The following GRIK4 variants were observed in gnomAD, a reference collection of about 807,000 sequenced individuals.
GRIK4 encodes the protein glutamate receptor ionotropic, kainate 4.
In GRIK4, 40 loss-of-function variants were observed where a neutral mutation model predicts 104.9. That is an observed-to-expected ratio of 0.38 (90% confidence interval 0.30 to 0.50). GRIK4 has a LOEUF of 0.50. Among genes scored for constraint, GRIK4 ranks in the 20% least tolerant of loss-of-function variants. GRIK4 has a pLI of 0.93. For missense variants in GRIK4, 1,047 were observed against 1,308.1 expected (o/e 0.80, Z 3.08); for synonymous variants, 485 against 524.9 (o/e 0.92, Z 1.04).
At chr11:120,921,818 G>T (rs1344769586) in intron 13 of GRIK4, among the ~76,000 whole-genome samples, 1 of 152,196 alleles carries the variant, frequency 6.6e-6, no homozygotes, top group African/African-American at 2.4e-5. Context: ...TCTCCAAGTT[G>T]CAGCGACTCC....
intron 1 of GRIK4, among the ~76,000 whole-genome samples, chr11:120,571,841 C>T (rs183950599): frequency 1.3e-5 from 2 of 152,258 alleles, no homozygotes; most frequent in African/African-American, 2.4e-5. Context: ...CCTGGGTGAA[C>T]GACCTACTTG....
At chr11:120,978,124 C>T (rs374121293) in intron 19 of GRIK4, among the ~76,000 whole-genome samples, 1 of 152,212 alleles carries the variant, frequency 6.6e-6, no homozygotes, top group Admixed American at 6.5e-5. Context: ...ATTCTTTCCA[C>T]AAACATTTAC....
chr11:120,741,275 CTTTT>C (rs762543001), intron 3 of GRIK4, among the ~76,000 whole-genome samples: 5 of 106,882 alleles, frequency 4.7e-5, no homozygotes, highest in Admixed American at 2.1e-4. Context: ...CGTGTGCTTT[CTTTT>C]TTTTTTTTTT....
intron 3 of GRIK4, among the ~76,000 whole-genome samples, chr11:120,716,894 T>A (rs1453761591): frequency 6.6e-6 from 1 of 152,148 alleles, no homozygotes; most frequent in Non-Finnish European, 1.5e-5. Flanking sequence ...TGAACTCCAT[T>A]TATCAGCTCA....
chr11:120,876,700 G>A (rs1954829709), intron 11 of GRIK4, among the ~76,000 whole-genome samples: 2 of 152,110 alleles, frequency 1.3e-5, no homozygotes, highest in Admixed American at 1.3e-4. Flanking sequence ...TGACAGAGCT[G>A]GTTTTGGACC....
At chr11:120,630,576 C>T (rs76987481) in intron 1 of GRIK4, among the ~76,000 whole-genome samples, 1,749 of 152,234 alleles carry the variant, frequency 0.011, 35 homozygotes, top group African/African-American at 0.041. Flanking sequence ...GGTGTTGGGC[C>T]GAGCTCTGGG....
In GRIK4 at chr11:120,986,318, G is replaced by C. The variant is rs893214063; in HGVS notation, c.*58G>C. ...CGGGGCGGGAGGGGAGGGGCGGGGC[G>C]GGCGCTGCTGTCAGCCGCCAGCCGG... On this transcript the variant is annotated 3_prime_UTR_variant, in exon 21 of 21. Transcript: ENST00000527524. 6 of 1,417,328 alleles carry C rather than the reference G, an allele frequency of 4.2e-6. No individual in the cohort carries two copies. The highest frequency in any genetic ancestry group is 5.5e-6 in the Non-Finnish European group (6 of 1,091,070). The allele number at this position is 1,417,328 out of a possible 1,614,324, so 87.8% of individuals were successfully genotyped here. A position where few individuals can be genotyped will look rare whatever the true frequency, so the allele number is the denominator to read the frequency against.
intron 6 of GRIK4, among the ~76,000 whole-genome samples, chr11:120,823,862 G>T (rs12291645): frequency 0.052 from 7,868 of 152,300 alleles, 687 homozygotes; most frequent in African/African-American, 0.18. Flanking sequence ...ACCTGCTGAG[G>T]CTGCTGAGGG....
intron 3 of GRIK4, among the ~76,000 whole-genome samples, chr11:120,740,741 A>G (rs934173371): frequency 4.6e-5 from 7 of 152,178 alleles, no homozygotes; most frequent in Non-Finnish European, 1.0e-4. Flanking sequence ...TCTCTTGCCC[A>G]TCAGTCAATC....
At chr11:120,749,572 C>T (rs1951508396) in intron 3 of GRIK4, among the ~76,000 whole-genome samples, 1 of 152,204 alleles carries the variant, frequency 6.6e-6, no homozygotes, top group Non-Finnish European at 1.5e-5. Flanking sequence ...AGGAACTCCC[C>T]AGAATGAATC....
intron 3 of GRIK4, among the ~76,000 whole-genome samples, chr11:120,779,882 T>C (rs1046811302): frequency 6.6e-6 from 1 of 152,240 alleles, no homozygotes; most frequent in African/African-American, 2.4e-5. Flanking sequence ...GACAGAGCGT[T>C]GGTAGAGCAG....
intron 3 of GRIK4, among the ~76,000 whole-genome samples, chr11:120,741,275 CTTTTTTTTTTT>C (rs762543001): frequency 7.5e-5 from 8 of 106,884 alleles, no homozygotes; most frequent in South Asian, 3.6e-4. Context: ...CGTGTGCTTT[CTTTTTTTTTTT>C]TTTTTTTTTT....
At chr11:120,774,790 T>C (rs899602437) in intron 3 of GRIK4, among the ~76,000 whole-genome samples, 1 of 152,162 alleles carries the variant, frequency 6.6e-6, no homozygotes, top group Non-Finnish European at 1.5e-5. Flanking sequence ...GAGTGGGGAC[T>C]CTGAGCTGGT....
At chr11:120,960,411 G>A (rs2134727058) in intron 16 of GRIK4, among the ~76,000 whole-genome samples, 1 of 152,330 alleles carries the variant, frequency 6.6e-6, no homozygotes, top group South Asian at 2.1e-4. Context: ...CTGTAAAATT[G>A]GGATAAGAAT....
At chr11:120,542,022 A>G (rs532632101) in intron 1 of GRIK4, among the ~76,000 whole-genome samples, 23 of 152,358 alleles carry the variant, frequency 1.5e-4, no homozygotes, top group African/African-American at 5.5e-4. Context: ...AGTCTTAAAC[A>G]AAGTTGGAGA....
chr11:120,515,093 C>G, intron 1 of GRIK4: 2 of 454,828 alleles, frequency 4.4e-6, no homozygotes, highest in South Asian at 3.1e-5. Context: ...AACTTTATGT[C>G]ACAACGTGGT....
chr11:120,739,112 G>A (rs1185566475), intron 3 of GRIK4, among the ~76,000 whole-genome samples: 2 of 152,174 alleles, frequency 1.3e-5, no homozygotes, highest in Non-Finnish European at 2.9e-5. Context: ...TCCCTTCTTA[G>A]TTGAGTTTCC....
chr11:120,652,198 T>A (rs1416306262), intron 1 of GRIK4, among the ~76,000 whole-genome samples: 2 of 152,178 alleles, frequency 1.3e-5, no homozygotes, highest in Non-Finnish European at 2.9e-5. Flanking sequence ...TCAATAAAGA[T>A]TATATTATCA....
intron 3 of GRIK4, among the ~76,000 whole-genome samples, chr11:120,783,100 G>A (rs913363131): frequency 6.6e-6 from 1 of 152,196 alleles, no homozygotes; most frequent in Non-Finnish European, 1.5e-5. Flanking sequence ...TAGCGATGCT[G>A]CTGAACTCCC....
Sources: allele counts gnomAD v4.1 joint callset (sites outside exome capture counted in the v4.1 genomes callset), GRCh38; gene constraint gnomAD v4.1.1; transcripts MANE v1.5; gene names NCBI Gene and HGNC (gene_info 2026-07-23, HGNC 2026-07-21).